The following TMEM131 variants were observed in gnomAD, a reference collection of about 807,000 sequenced individuals.
TMEM131 encodes the protein 2610524E03Rik.
TMEM131 carries 66 observed loss-of-function variants against 211.6 expected under a neutral mutation model. The ratio of observed to expected loss-of-function variants is 0.31; its 90% CI spans 0.26 to 0.38. The LOEUF (loss-of-function observed/expected upper bound fraction) is 0.38, where lower values mean the gene tolerates loss of function less well. Ranked by LOEUF, TMEM131 falls within the 10% of genes least tolerant of loss-of-function variation. TMEM131 has a pLI of 1.00. For missense variants in TMEM131, 2,036 were observed against 2,299.3 expected, an observed-to-expected ratio of 0.89 and a Z score of 2.34; for synonymous variants, 844 against 841.3, an observed-to-expected ratio of 1.00 and a Z score of -0.06.
At chr2:97,760,504 T>A in intron 38 of TMEM131, 89 bp downstream of exon 38, 2 of 1,204,214 alleles carry the variant, frequency 1.7e-6, no homozygotes, top group Admixed American at 4.4e-5. Context: ...AGGGGAAAAA[T>A]GCCCTGAAAC....
chr2:97,926,554 T>G (rs1417786893), intron 2 of TMEM131, among the ~76,000 whole-genome samples: 3 of 152,152 alleles, frequency 2.0e-5, no homozygotes, highest in Admixed American at 6.5e-5. Context: ...GAGTCTTAGG[T>G]TTTTTTGTGG....
chr2:97,860,337 G>GT (rs34578073), intron 4 of TMEM131, among the ~76,000 whole-genome samples: 8 of 151,846 alleles, frequency 5.3e-5, no homozygotes, highest in African/African-American at 9.7e-5. Context: ...CCTGCCCTGT[G>GT]TTTTTTTTCC....
chr2:97,860,138 T>C (rs1246937946), intron 4 of TMEM131, among the ~76,000 whole-genome samples: 1 of 152,246 alleles, frequency 6.6e-6, no homozygotes. Context: ...GCTAATCTTA[T>C]TGGTACAGGC....
chr2:97,988,834 A>T (rs976093302), intron 1 of TMEM131, among the ~76,000 whole-genome samples: 2 of 152,246 alleles, frequency 1.3e-5, no homozygotes, highest in African/African-American at 4.8e-5. Flanking sequence ...TTATGCAACC[A>T]CTATGGAAAT....
At chr2:97,829,211 G>A (rs571953821) in intron 11 of TMEM131, among the ~76,000 whole-genome samples, 2 of 152,320 alleles carry the variant, frequency 1.3e-5, no homozygotes, top group South Asian at 4.1e-4. Flanking sequence ...GGGTTGAGTG[G>A]AGACTTGGAG....
intron 5 of TMEM131, among the ~76,000 whole-genome samples, chr2:97,853,412 T>C (rs917996371): frequency 3.1e-5 from 4 of 131,034 alleles, no homozygotes; most frequent in African/African-American, 1.2e-4. Flanking sequence ...CTCGCCAACA[T>C]GGTGAAATCC....
At chr2:97,969,000 A>G (rs1454425091) in intron 1 of TMEM131, among the ~76,000 whole-genome samples, 1 of 151,568 alleles carries the variant, frequency 6.6e-6, no homozygotes, top group African/African-American at 2.4e-5. Flanking sequence ...GGAGGATCAC[A>G]TGAGCCTAGG....
At chr2:97,924,905 G>C (rs941852900) in intron 2 of TMEM131, among the ~76,000 whole-genome samples, 1 of 152,078 alleles carries the variant, frequency 6.6e-6, no homozygotes, top group Non-Finnish European at 1.5e-5. Flanking sequence ...GTTGATACAG[G>C]ATCTCACTCT....
At position 97,778,733 on chromosome 2, in the gene TMEM131, T is replaced by G. The variant is rs894793293; in HGVS notation, c.4145-2715A>C. On this transcript the variant is annotated intron_variant, in intron 31 of 40. Coordinates refer to ENST00000186436, the MANE Select transcript of TMEM131 (RefSeq NM_015348.2). ...GCCCATGATGCCTATCATTCCTCAT[T>G]CTACATGACCTTCCCGTTCCACTGG... 2.0e-5 allele frequency among the ~76,000 whole-genome samples: 3 copies of G among 152,168 alleles called. No individual in the cohort carries two copies. The South Asian group carries it at 6.2e-4, about 31-fold the overall frequency.
At position 97,995,692 on chromosome 2, in the gene TMEM131, G is replaced by T; in HGVS notation, c.-30C>A. 8.4e-7 allele frequency: 1 copy of T among 1,187,674 alleles called. No homozygotes were observed. The highest frequency in any genetic ancestry group is 1.0e-6 in the Non-Finnish European group (1 of 958,772). The allele number at this position is 1,187,674 out of a possible 1,614,324, so 73.6% of individuals were successfully genotyped here. A position where few individuals can be genotyped will look rare whatever the true frequency, so the allele number is the denominator to read the frequency against. On this transcript the variant is annotated 5_prime_UTR_variant, in exon 1 of 41. Coordinates refer to ENST00000186436, the MANE Select transcript of TMEM131 (RefSeq NM_015348.2). ...GCCGGCCGGGGGCCGCCGCGCTCGAGGTCCGGCGCGGCCCTTCTCGGCGAG... is the reference window on the plus strand; with the variant it reads ...GCCGGCCGGGGGCCGCCGCGCTCGATGTCCGGCGCGGCCCTTCTCGGCGAG...
chr2:97,894,652 T>C (rs1356723211), intron 3 of TMEM131, among the ~76,000 whole-genome samples: 1 of 152,194 alleles, frequency 6.6e-6, no homozygotes, highest in African/African-American at 2.4e-5. Context: ...CAATTGTGAA[T>C]GGGAGTTACT....
At chr2:97,896,041 G>A (rs1018735293) in intron 3 of TMEM131, among the ~76,000 whole-genome samples, 6 of 152,098 alleles carry the variant, frequency 3.9e-5, no homozygotes, top group African/African-American at 1.4e-4. Context: ...CTTTAAATGT[G>A]TCCCGGAGAT....
At chr2:97,869,132 A>T (rs1191711400) in intron 4 of TMEM131, among the ~76,000 whole-genome samples, 1 of 152,250 alleles carries the variant, frequency 6.6e-6, no homozygotes, top group Non-Finnish European at 1.5e-5. Context: ...CAATTCAAAT[A>T]GACTTCAGGC....
At chr2:97,827,068 CA>C (rs66841026) in intron 11 of TMEM131, among the ~76,000 whole-genome samples, 55,833 of 94,114 alleles carry the variant, frequency 0.59, 14,307 homozygotes, top group Non-Finnish European at 0.64. Flanking sequence ...AAGTGATAAG[CA>C]AAAAAAAAAA....
At chr2:97,896,594 G>T (rs1162675747) in intron 3 of TMEM131, among the ~76,000 whole-genome samples, 3 of 152,062 alleles carry the variant, frequency 2.0e-5, no homozygotes, top group Non-Finnish European at 4.4e-5. Flanking sequence ...TTGTTGCATT[G>T]ATCCCTTTAC....
chr2:97,904,798 CTT>C (rs74265071), intron 3 of TMEM131, among the ~76,000 whole-genome samples: 6 of 138,812 alleles, frequency 4.3e-5, no homozygotes, highest in Non-Finnish European at 6.3e-5. Flanking sequence ...GGCTATAGTT[CTT>C]TTTTTTTTTT....
At chr2:97,774,331 T>G (rs1031558121) in intron 32 of TMEM131, among the ~76,000 whole-genome samples, 1 of 152,236 alleles carries the variant, frequency 6.6e-6, no homozygotes, top group African/African-American at 2.4e-5. Flanking sequence ...GTTGACTGAA[T>G]GGGTAGAACA....
chr2:97,866,301 T>C (rs1674269289), intron 4 of TMEM131, among the ~76,000 whole-genome samples: 1 of 152,252 alleles, frequency 6.6e-6, no homozygotes, highest in Non-Finnish European at 1.5e-5. Flanking sequence ...AATCTGTCCA[T>C]TTCAACTAAG....
chr2:97,850,635 C>G (rs539842384), intron 5 of TMEM131, among the ~76,000 whole-genome samples: 1 of 152,056 alleles, frequency 6.6e-6, no homozygotes, highest in African/African-American at 2.4e-5. Flanking sequence ...GCACATGTAT[C>G]CCTGAACTTA....
Sources: allele counts gnomAD v4.1 joint callset (sites outside exome capture counted in the v4.1 genomes callset), GRCh38; gene constraint gnomAD v4.1.1; transcripts MANE v1.5; gene names NCBI Gene and HGNC (gene_info 2026-07-23, HGNC 2026-07-21).